The following SLC24A2 variants were observed in gnomAD, a reference collection of about 807,000 sequenced individuals.
The protein encoded by SLC24A2 is solute carrier family 24 member 2, also known as sodium/potassium/calcium exchanger 2.
SLC24A2 carries 36 observed loss-of-function variants against 62.0 expected under a neutral mutation model. The observed-to-expected ratio is 0.58, with a 90% CI of 0.44 to 0.77. The LOEUF (loss-of-function observed/expected upper bound fraction) is 0.77. SLC24A2 is among the 30% of genes least tolerant of loss of function. The pLI is 0.00. For synonymous variants in SLC24A2, 358 were observed against 294.0 expected (o/e 1.22, Z -2.23); for missense variants, 846 against 817.9 (o/e 1.03, Z -0.42).
chr9:20,073,315 T>A, the SLC24A2 span, among the ~76,000 whole-genome samples: 1 of 152,200 alleles, frequency 6.6e-6, no homozygotes, highest in African/African-American at 2.4e-5. Context: ...GACCTCTAGA[T>A]GATCTGTTTA....
chr9:20,248,502 G>A, the SLC24A2 span, among the ~76,000 whole-genome samples: 1 of 152,058 alleles, frequency 6.6e-6, no homozygotes, highest in East Asian at 1.9e-4. Context: ...TTCCTGCTGT[G>A]TCCTCACATG....
At chr9:19,562,606 G>A (rs2132809870) in intron 7 of SLC24A2, among the ~76,000 whole-genome samples, 1 of 152,130 alleles carries the variant, frequency 6.6e-6, no homozygotes, top group African/African-American at 2.4e-5. Context: ...ACAGGAACTG[G>A]ACCCCAGTTT....
chr9:19,833,266 A>C, the SLC24A2 span, among the ~76,000 whole-genome samples: 1 of 152,164 alleles, frequency 6.6e-6, no homozygotes, highest in Non-Finnish European at 1.5e-5. Context: ...TGTGAGCCAA[A>C]GCAGGGTGAG....
intron 2 of SLC24A2, among the ~76,000 whole-genome samples, chr9:19,668,455 G>A (rs146785357): frequency 4.6e-5 from 7 of 152,132 alleles, no homozygotes; most frequent in South Asian, 2.1e-4. Context: ...AAACATTTCC[G>A]TACCTGCATG....
At chr9:19,918,394 A>AAAT in the SLC24A2 span, among the ~76,000 whole-genome samples, 1 of 70 alleles carries the variant, frequency 0.014, no homozygotes, top group Admixed American at 0.17. Flanking sequence ...TGCCTTTATC[A>AAAT]AAAAAAAAAA....
intron 2 of SLC24A2, among the ~76,000 whole-genome samples, chr9:19,663,156 C>G (rs1587117367): frequency 6.6e-6 from 1 of 152,290 alleles, no homozygotes; most frequent in African/African-American, 2.4e-5. Context: ...TCCTGACACC[C>G]TGCAAGTGAG....
the SLC24A2 span, among the ~76,000 whole-genome samples, chr9:20,249,072 G>C: frequency 3.3e-5 from 5 of 152,176 alleles, no homozygotes; most frequent in Non-Finnish European, 1.5e-5. Flanking sequence ...TCTGGAATCA[G>C]CCTGCCTGCC....
intron 8 of SLC24A2, among the ~76,000 whole-genome samples, chr9:19,544,255 C>CTTTTTTTTTT (rs375479154): frequency 1.0e-3 from 124 of 123,886 alleles, no homozygotes; most frequent in East Asian, 1.4e-3. Context: ...GCAACCCCTG[C>CTTTTTTTTTT]TTTTTTTTTT....
the SLC24A2 span, among the ~76,000 whole-genome samples, chr9:20,036,549 T>C: frequency 6.6e-6 from 1 of 152,194 alleles, no homozygotes; most frequent in African/African-American, 2.4e-5. Context: ...ATGAGTTCAA[T>C]TGTTTTAGAT....
the SLC24A2 span, among the ~76,000 whole-genome samples, chr9:19,973,432 A>G: frequency 4.6e-5 from 7 of 152,224 alleles, no homozygotes; most frequent in Non-Finnish European, 1.0e-4. Context: ...TTGGAAATTC[A>G]AAGGAATTTT....
intron 7 of SLC24A2, among the ~76,000 whole-genome samples, chr9:19,569,449 C>T (rs1287394884): frequency 6.6e-6 from 1 of 152,166 alleles, no homozygotes; most frequent in African/African-American, 2.4e-5. Flanking sequence ...TGCAGCTTCC[C>T]ACTCCCAAGA....
the SLC24A2 span, among the ~76,000 whole-genome samples, chr9:19,817,189 A>C: frequency 6.6e-6 from 1 of 152,150 alleles, no homozygotes; most frequent in East Asian, 1.9e-4. Context: ...CTTCACTCTT[A>C]AATCTCTGCT....
the SLC24A2 span, among the ~76,000 whole-genome samples, chr9:20,177,866 G>C: frequency 3.9e-5 from 6 of 152,222 alleles, no homozygotes; most frequent in East Asian, 1.2e-3. Flanking sequence ...TTTTGAAGAT[G>C]AGGAAAACTG....
chr9:19,650,350 C>A (rs1173894694), intron 2 of SLC24A2, among the ~76,000 whole-genome samples: 1 of 152,096 alleles, frequency 6.6e-6, no homozygotes, highest in African/African-American at 2.4e-5. Flanking sequence ...AAACAGAGCC[C>A]AAAATGGATT....
chr9:20,104,944 A>T, the SLC24A2 span, among the ~76,000 whole-genome samples: 1 of 152,248 alleles, frequency 6.6e-6, no homozygotes, highest in Admixed American at 6.5e-5. Context: ...TGCTGTATTC[A>T]GGAAACCCAT....
intron 2 of SLC24A2, among the ~76,000 whole-genome samples, chr9:19,764,255 A>G (rs1386709794): frequency 6.6e-6 from 1 of 152,128 alleles, no homozygotes; most frequent in Non-Finnish European, 1.5e-5. Context: ...AATCTTTGCA[A>G]AAAACCAGCT....
intron 2 of SLC24A2, among the ~76,000 whole-genome samples, chr9:19,783,913 G>A (rs1337775993): frequency 6.6e-6 from 1 of 152,144 alleles, no homozygotes; most frequent in Non-Finnish European, 1.5e-5. Context: ...GTGCTAAATG[G>A]AAAACAATAC....
At chr9:19,996,825 C>A in the SLC24A2 span, among the ~76,000 whole-genome samples, 1 of 151,616 alleles carries the variant, frequency 6.6e-6, no homozygotes, top group South Asian at 2.1e-4. Context: ...TAACACCTTA[C>A]CCCAAGTGGT....
intron 2 of SLC24A2, among the ~76,000 whole-genome samples, chr9:19,682,404 G>C (rs1819749171): frequency 6.6e-6 from 1 of 152,122 alleles, no homozygotes; most frequent in Non-Finnish European, 1.5e-5. Context: ...CTAATGGATA[G>C]TAGCAGGAAT....
Sources: allele counts gnomAD v4.1 joint callset (sites outside exome capture counted in the v4.1 genomes callset), GRCh38; gene constraint gnomAD v4.1.1; transcripts MANE v1.5; gene names NCBI Gene and HGNC (gene_info 2026-07-23, HGNC 2026-07-21).